SEMA3A: variants seen among roughly 807,000 people sequenced by gnomAD.
SEMA3A encodes semaphorin-3A.
In SEMA3A, 29 loss-of-function variants were observed where a neutral mutation model predicts 97.9. The observed-to-expected ratio is 0.30, with a 90% CI of 0.22 to 0.40. SEMA3A has a LOEUF of 0.40. Ranked by LOEUF, SEMA3A falls within the 10% of genes least tolerant of loss-of-function variation. The pLI, the probability that SEMA3A is intolerant of heterozygous loss-of-function variation, is 1.00. For synonymous variants in SEMA3A, 321 were observed against 323.7 expected, an observed-to-expected ratio of 0.99 and a Z score of 0.09; for missense variants, 763 against 951.3, an observed-to-expected ratio of 0.80 and a Z score of 2.60.
At chr7:84,106,442 G>GT (rs1295156635) in intron 4 of SEMA3A, among the ~76,000 whole-genome samples, 2 of 152,078 alleles carry the variant, frequency 1.3e-5, no homozygotes, top group Non-Finnish European at 2.9e-5. Flanking sequence ...CTAGATTGGT[G>GT]TAAGTACACT....
intron 5 of SEMA3A, among the ~76,000 whole-genome samples, chr7:84,052,642 T>G (rs1416601935): frequency 6.6e-6 from 1 of 152,158 alleles, no homozygotes; most frequent in African/African-American, 2.4e-5. Context: ...ATCAATTTTG[T>G]TGATCCTTTC....
intron 14 of SEMA3A, 23 bp downstream of exon 14, chr7:83,981,298 T>A: frequency 6.2e-7 from 1 of 1,610,400 alleles, no homozygotes. Flanking sequence ...AAACATTTCA[T>A]TTATTTTGAA....
chr7:84,012,269 T>C (rs1413579070), intron 7 of SEMA3A, among the ~76,000 whole-genome samples: 2 of 152,122 alleles, frequency 1.3e-5, no homozygotes, highest in African/African-American at 2.4e-5. Context: ...TAATGCATAT[T>C]AATTAGCAGG....
chr7:84,256,954 T>C (rs918693282), intron 3 of SEMA3A, among the ~76,000 whole-genome samples: 1 of 152,002 alleles, frequency 6.6e-6, no homozygotes, highest in South Asian at 2.1e-4. Context: ...ATATATTATA[T>C]TGTTGCTCTT....
At position 84,005,344 on chromosome 7, in the gene SEMA3A, C is replaced by G. The variant is rs1366420166; in HGVS notation, c.1355G>C (p.Gly452Ala). ...EDGQYDVMFI[G>A]TDVGTVLKVV... ...GCTGAAATTTAAAAATTTACCTGTT[C>G]CGATAAACATAACATCATACTGTCC... Residue 452 changes from glycine (G) to alanine (A), a missense_variant, in exon 11 of 17, where the codon GGA becomes GCA. By Grantham distance (60) the Gly-to-Ala change is moderately conservative. Coordinates refer to ENST00000265362, the MANE Select transcript of SEMA3A (RefSeq NM_006080.3). 1.2e-6 allele frequency: 2 copies of G among 1,610,052 alleles called. No homozygotes were observed. The highest frequency in any genetic ancestry group is 1.7e-6 in the Non-Finnish European group (2 of 1,176,676).
intron 1 of SEMA3A, among the ~76,000 whole-genome samples, chr7:84,436,446 A>G (rs990050355): frequency 1.9e-4 from 29 of 152,156 alleles, no homozygotes; most frequent in African/African-American, 6.8e-4. Context: ...ACAAAGATCT[A>G]ATATCCACAA....
chr7:84,203,515 T>TATATATAG (rs2116302277), intron 3 of SEMA3A, among the ~76,000 whole-genome samples: 1 of 53,140 alleles, frequency 1.9e-5, no homozygotes, highest in East Asian at 4.7e-4. Context: ...TATATATATA[T>TATATATAG]ATATATATAT....
At chr7:84,021,082 G>A (rs900446192) in intron 6 of SEMA3A, among the ~76,000 whole-genome samples, 4 of 152,138 alleles carry the variant, frequency 2.6e-5, no homozygotes, top group African/African-American at 4.8e-5. Flanking sequence ...TGGCTCCCAA[G>A]TTTTTTAGCA....
At chr7:84,466,656 TG>T (rs1806007007) in intron 1 of SEMA3A, among the ~76,000 whole-genome samples, 1 of 152,214 alleles carries the variant, frequency 6.6e-6, no homozygotes, top group Non-Finnish European at 1.5e-5. Flanking sequence ...AAGATGAACC[TG>T]ACTTACCATC....
Position 84,478,047 on chromosome 7 carries a change from T to TA in SEMA3A, c.-246+14412dup, listed in dbSNP as rs766594117. On this transcript the variant is annotated intron_variant, in intron 1 of 3. Transcript: ENST00000424555. ...CTTTTTAGAGTTGAAGTCATCATGT[T>TA]ACACTGGTTTGTTATTCCAGTGAGA... 9.7e-4 allele frequency among the ~76,000 whole-genome samples: 148 copies of TA among 152,212 alleles called. 1 individual carries two copies. The highest frequency in any genetic ancestry group is 2.0e-3 in the Non-Finnish European group (135 of 68,038).
chr7:84,278,113 A>G (rs1800355078), intron 3 of SEMA3A, among the ~76,000 whole-genome samples: 1 of 152,228 alleles, frequency 6.6e-6, no homozygotes, highest in East Asian at 1.9e-4. Context: ...GTGGCTTAGA[A>G]ATTTCTTCCA....
intron 2 of SEMA3A, among the ~76,000 whole-genome samples, chr7:84,346,333 T>C (rs1802299062): frequency 2.0e-5 from 3 of 152,228 alleles, no homozygotes; most frequent in South Asian, 2.1e-4. Flanking sequence ...GTGTATTCTC[T>C]AGAGTAGCAC....
rs566216379 is a variant in SEMA3A, at chr7:83,988,536, C to T, written c.1453-3059G>A. ...TGTGCTGTAGAACTGCAGATCTCTA[C>T]TTCAAACCCTGATGGCTGAGCTGAG... On this transcript the variant is annotated intron_variant, in intron 12 of 16. Coordinates refer to ENST00000265362, the MANE Select transcript of SEMA3A (RefSeq NM_006080.3). Among the ~76,000 whole-genome samples the T allele has an allele frequency of 1.5e-3, 226 of 152,218 alleles. 1 individual carries two copies. In the Middle Eastern group the frequency reaches 0.024, roughly 16 times the overall value.
At chr7:84,196,316 G>A (rs1404132191), upstream of SEMA3A, among the ~76,000 whole-genome samples, 1 of 151,976 alleles carries the variant, frequency 6.6e-6, no homozygotes, top group African/African-American at 2.4e-5. Flanking sequence ...AATGTCCACA[G>A]ACCAATAGAG....
intron 2 of SEMA3A, among the ~76,000 whole-genome samples, chr7:84,320,573 C>T (rs1801620764): frequency 6.6e-6 from 1 of 151,962 alleles, no homozygotes; most frequent in South Asian, 2.1e-4. Flanking sequence ...ATTTCATTTG[C>T]AAAATAAACG....
chr7:84,348,037 T>G (rs1802343757), intron 2 of SEMA3A, among the ~76,000 whole-genome samples: 1 of 152,132 alleles, frequency 6.6e-6, no homozygotes, highest in South Asian at 2.1e-4. Context: ...GAAGTGGGTG[T>G]GTGGGGGGCC....
At chr7:84,187,055 A>G (rs1370566182) in intron 1 of SEMA3A, among the ~76,000 whole-genome samples, 2 of 152,206 alleles carry the variant, frequency 1.3e-5, no homozygotes, top group African/African-American at 4.8e-5. Flanking sequence ...TTGGAGATGT[A>G]GCTTAGGGAG....
chr7:84,281,147 G>A (rs1036991916), intron 3 of SEMA3A, among the ~76,000 whole-genome samples: 1 of 152,126 alleles, frequency 6.6e-6, no homozygotes, highest in Non-Finnish European at 1.5e-5. Flanking sequence ...CAGTTTTAAA[G>A]CCATTAGTAT....
chr7:84,147,971 A>G (rs529010104), intron 1 of SEMA3A, among the ~76,000 whole-genome samples: 2 of 152,008 alleles, frequency 1.3e-5, no homozygotes, highest in Non-Finnish European at 2.9e-5. Flanking sequence ...GTGCAGTAGC[A>G]TGATCTTGGC....
Sources: allele counts gnomAD v4.1 joint callset (sites outside exome capture counted in the v4.1 genomes callset), GRCh38; gene constraint gnomAD v4.1.1; transcripts MANE v1.5; gene names NCBI Gene and HGNC (gene_info 2026-07-23, HGNC 2026-07-21).